AMZ1: variants seen among roughly 807,000 people sequenced by gnomAD.
AMZ1 encodes archaemetzincin-1.
A neutral mutation model predicts 29.9 loss-of-function variants in AMZ1; 39 were observed. The observed-to-expected ratio is 1.30, with a 90% CI of 1.01 to 1.70. The LOEUF is 1.70. Ranked by LOEUF, AMZ1 falls within the 40% of genes most tolerant of loss-of-function variation. The pLI, the probability that AMZ1 is intolerant of heterozygous loss-of-function variation, is 0.00. For missense variants in AMZ1, 1,041 were observed against 680.6 expected, an observed-to-expected ratio of 1.53 and a Z score of -5.89; for synonymous variants, 458 against 304.0, an observed-to-expected ratio of 1.51 and a Z score of -5.27.
rs1788538826 is a variant in AMZ1 at position 2,708,786 on chromosome 7, G to A, written c.601+70G>A. The A allele has an allele frequency of 5.0e-6, 8 of 1,603,258 alleles. No individual in the cohort carries two copies. The Admixed American group carries it at 8.4e-5, about 17-fold the overall frequency. On this transcript the variant is annotated intron_variant, in intron 4 of 6. Coordinates refer to ENST00000683327, the MANE Select transcript of AMZ1 (RefSeq NM_001384743.1). ...TGGGGCTGTGGCCTCCGTGGCTGCAGGGCACCCTCTTTGCTTTTGCTTCAA... is the reference window on the plus strand; with the variant it reads ...TGGGGCTGTGGCCTCCGTGGCTGCAAGGCACCCTCTTTGCTTTTGCTTCAA...
chr7:2,699,481 C>T (rs944130572), intron 1 of AMZ1, among the ~76,000 whole-genome samples: 1 of 152,222 alleles, frequency 6.6e-6, no homozygotes. Flanking sequence ...ATCTCGGGCC[C>T]TCACGTGTGT....
intron 3 of AMZ1, among the ~76,000 whole-genome samples, chr7:2,704,033 C>T (rs901475586): frequency 1.3e-5 from 2 of 152,336 alleles, no homozygotes; most frequent in Admixed American, 6.5e-5. Context: ...GGACTACAGG[C>T]GGCTGCCACC....
intron 4 of AMZ1, among the ~76,000 whole-genome samples, chr7:2,745,331 C>T (rs1049856771): frequency 2.6e-5 from 4 of 152,244 alleles, no homozygotes; most frequent in African/African-American, 9.6e-5. Context: ...TTGGCAGAAA[C>T]TCTGCAAGCC....
At chr7:2,733,860 T>C (rs1209219666) in intron 4 of AMZ1, among the ~76,000 whole-genome samples, 1 of 152,188 alleles carries the variant, frequency 6.6e-6, no homozygotes, top group African/African-American at 2.4e-5. Context: ...CAGGCTAGAA[T>C]AGGATTTTAG....
At chr7:2,705,508 C>A (rs555455474) in intron 3 of AMZ1, among the ~76,000 whole-genome samples, 1 of 152,214 alleles carries the variant, frequency 6.6e-6, no homozygotes, top group African/African-American at 2.4e-5. Context: ...ACCCCTCTAC[C>A]GGCCACCAAA....
chr7:2,736,208 G>A (rs1790166353), intron 4 of AMZ1, among the ~76,000 whole-genome samples: 1 of 152,146 alleles, frequency 6.6e-6, no homozygotes, highest in Non-Finnish European at 1.5e-5. Context: ...CCGCTTGGTG[G>A]GTTTATAAAG....
At chr7:2,682,351 G>A (rs1193213534) in intron 1 of AMZ1, among the ~76,000 whole-genome samples, 1 of 152,160 alleles carries the variant, frequency 6.6e-6, no homozygotes, top group Non-Finnish European at 1.5e-5. Flanking sequence ...GATGACACCG[G>A]GTGGGCCCCC....
intron 4 of AMZ1, among the ~76,000 whole-genome samples, chr7:2,753,154 CT>C (rs34424525): frequency 0.12 from 18,092 of 146,978 alleles, 1,160 homozygotes; most frequent in Middle Eastern, 0.2. Flanking sequence ...CAGCATGCGG[CT>C]TTTTTTTTTT....
intron 2 of AMZ1, among the ~76,000 whole-genome samples, chr7:2,701,215 A>T (rs1317399426): frequency 6.7e-6 from 1 of 150,076 alleles, no homozygotes; most frequent in African/African-American, 2.5e-5. Context: ...TGGGTGACGG[A>T]GTGAGACTGT....
chr7:2,709,587 C>G (rs926582852), intron 5 of AMZ1, 53 bp from the exon 6 acceptor site: 2 of 1,573,278 alleles, frequency 1.3e-6, no homozygotes, highest in Admixed American at 3.6e-5. Flanking sequence ...TGGGGATCTG[C>G]CGGATGCAGG....
In AMZ1 at chr7:2,719,590, CTT is replaced by C. The variant is rs975388918; in HGVS notation, c.*6714_*6715del. On this transcript the variant is annotated 3_prime_UTR_variant, in exon 7 of 7. Coordinates refer to ENST00000683327, the MANE Select transcript of AMZ1 (RefSeq NM_001384743.1). ...TTATACTGCAATGACTGATGGACGA[CTT>C]TGATATACAAAATAAATTGTTACTC... is the stretch of plus-strand genomic sequence containing the variant. Among the ~76,000 whole-genome samples, 6 of 152,170 alleles carry C rather than the reference CTT, an allele frequency of 3.9e-5. No homozygotes were observed. The highest frequency in any genetic ancestry group is 1.4e-4 in the African/African-American group (6 of 41,440).
upstream of AMZ1, among the ~76,000 whole-genome samples, chr7:2,686,408 C>A (rs774097307): frequency 1.3e-5 from 2 of 152,054 alleles, no homozygotes; most frequent in Non-Finnish European, 2.9e-5. Flanking sequence ...ATGGCACGTA[C>A]CTGTAGTCTC....
Position 2,715,480 on chromosome 7 carries a change from G to A in AMZ1, c.*2602G>A, listed in dbSNP as rs10257124. 0.34 allele frequency: 51,886 copies of A among 152,056 alleles called. 9,461 individuals carry two copies. The highest frequency in any genetic ancestry group is 0.47 in the African/African-American group (19,344 of 41,428). The allele number at this position is 152,056 out of a possible 1,614,324, so 9.4% of individuals were successfully genotyped here. On this transcript the variant is annotated 3_prime_UTR_variant, in exon 7 of 7. Coordinates refer to ENST00000683327, the MANE Select transcript of AMZ1 (RefSeq NM_001384743.1). ...GAGGGTGGGAGCCCACTGGGGTTAT[G>A]ACCAAAGCCTCGGCGCTCTCTGTAC...
At chr7:2,687,568 T>TA (rs1454473369), upstream of AMZ1, among the ~76,000 whole-genome samples, 1 of 152,216 alleles carries the variant, frequency 6.6e-6, no homozygotes, top group African/African-American at 2.4e-5. Context: ...CTTCCGCACT[T>TA]AGAGTCCTTT....
At chr7:2,733,460 G>A (rs758894496) in intron 4 of AMZ1, 10 of 1,613,638 alleles carry the variant, frequency 6.2e-6, no homozygotes, top group East Asian at 2.2e-5. Context: ...CCAGCTGGCC[G>A]ATCCGGTCCA....
chr7:2,683,819 G>A (rs541948569), upstream of AMZ1, among the ~76,000 whole-genome samples: 171 of 151,982 alleles, frequency 1.1e-3, no homozygotes, highest in Non-Finnish European at 1.8e-3. Flanking sequence ...CTCCCACCTC[G>A]GCTTCCCAAA....
At chr7:2,685,196 A>C (rs184484639), upstream of AMZ1, among the ~76,000 whole-genome samples, 2 of 151,256 alleles carry the variant, frequency 1.3e-5, no homozygotes, top group East Asian at 4.0e-4. Context: ...TCCGGTGGCT[A>C]TTCAGGGAGG....
At position 2,700,699 on chromosome 7, in the gene AMZ1, C is replaced by G; in HGVS notation, c.248C>G (p.Ser83Cys). The G allele has an allele frequency of 1.2e-6, 2 of 1,613,174 alleles. No homozygotes were observed. Among genetic ancestry groups the G allele is most frequent in the Non-Finnish European group, 1.7e-6 (2 of 1,180,026 alleles). ...GAGGACTTCCAGACCTTCCACGCCT[C>G]CCTGCAGCACCGGAAGCCCCGCCTG... ...APEDFQTFHA[S>C]LQHRKPRLAR... Residue 83 changes from serine to cysteine, a missense_variant, in exon 2 of 7, where the codon TCC (serine) becomes TGC (cysteine). Coordinates refer to ENST00000683327, the MANE Select transcript of AMZ1 (RefSeq NM_001384743.1).
At position 2,714,047 on chromosome 7, in the gene AMZ1, C is replaced by T. The variant is rs1418457315; in HGVS notation, c.*1169C>T. On this transcript the variant is annotated 3_prime_UTR_variant, in exon 7 of 7. Transcript: ENST00000683327. ...TTTGAAGCTCCTTTACGTCCCTGCA[C>T]ATTTGATTGTTGTGTCTTCCTGAGG... is the stretch of plus-strand genomic sequence containing the variant. 1 of 152,216 alleles carries T rather than the reference C, an allele frequency of 6.6e-6. No homozygotes were observed. Among genetic ancestry groups the T allele is most frequent in the African/African-American group, 2.4e-5 (1 of 41,438 alleles). 9.4% of individuals were successfully genotyped at this position (152,216 alleles called of 1,614,324 possible).
Sources: gnomAD v4.1 joint callset for allele counts (sites outside exome capture counted in the v4.1 genomes callset) on GRCh38, gnomAD v4.1.1 for gene constraint, MANE v1.5 for transcripts, NCBI Gene and HGNC (gene_info 2026-07-23, HGNC 2026-07-21) for gene names.